The following CCDC178 variants were observed in gnomAD, a reference collection of about 807,000 sequenced individuals.
CCDC178 encodes the protein coiled-coil domain-containing protein 178.
CCDC178 carries 126 observed loss-of-function variants against 117.4 expected under a neutral mutation model. The ratio of observed to expected loss-of-function variants is 1.07; its 90% confidence interval spans 0.93 to 1.24. The LOEUF is 1.24. CCDC178 is among the 50% of genes most tolerant of loss of function. The pLI is 0.00. For missense variants in CCDC178, 1,030 were observed against 986.9 expected (o/e 1.04, Z -0.59); for synonymous variants, 283 against 313.4 (o/e 0.90, Z 1.02).
intron 11 of CCDC178, among the ~76,000 whole-genome samples, chr18:33,300,141 T>C (rs1261017237): frequency 6.6e-6 from 1 of 152,154 alleles, no homozygotes; most frequent in African/African-American, 2.4e-5. Flanking sequence ...TCCCTCTCTC[T>C]TTCGCTCCCA....
At chr18:33,432,201 G>C (rs2064228968) in intron 2 of CCDC178, among the ~76,000 whole-genome samples, 1 of 152,142 alleles carries the variant, frequency 6.6e-6, no homozygotes, top group East Asian at 1.9e-4. Flanking sequence ...GCGGATGCAA[G>C]TAGTAAGATT....
At chr18:33,018,880 T>C (rs529029972) in intron 21 of CCDC178, among the ~76,000 whole-genome samples, 103 of 152,282 alleles carry the variant, frequency 6.8e-4, no homozygotes, top group African/African-American at 2.3e-3. Context: ...GTGAGTTTTA[T>C]GATTTGTGAA....
At chr18:33,101,120 T>A (rs1223048170) in intron 20 of CCDC178, among the ~76,000 whole-genome samples, 1 of 151,848 alleles carries the variant, frequency 6.6e-6, no homozygotes, top group Non-Finnish European at 1.5e-5. Context: ...TTAAAATTTT[T>A]AATCCTGAAT....
intron 20 of CCDC178, among the ~76,000 whole-genome samples, chr18:33,119,161 T>C (rs539595242): frequency 2.0e-5 from 3 of 152,132 alleles, no homozygotes; most frequent in Non-Finnish European, 4.4e-5. Flanking sequence ...CCAAAAGCAA[T>C]GGCAACAAAA....
intron 21 of CCDC178, among the ~76,000 whole-genome samples, chr18:33,032,535 T>G (rs2056363365): frequency 6.6e-6 from 1 of 152,124 alleles, no homozygotes; most frequent in African/African-American, 2.4e-5. Context: ...CTTGTATGTT[T>G]GCATACTTAC....
At chr18:33,167,728 G>A (rs190392687) in intron 20 of CCDC178, among the ~76,000 whole-genome samples, 19 of 152,040 alleles carry the variant, frequency 1.2e-4, no homozygotes, top group East Asian at 5.8e-4. Context: ...ATACCCGGGC[G>A]TGGTGGCATG....
intron 20 of CCDC178, among the ~76,000 whole-genome samples, chr18:33,187,451 G>A (rs1298101174): frequency 6.6e-6 from 1 of 152,010 alleles, no homozygotes; most frequent in Non-Finnish European, 1.5e-5. Context: ...ATCCCCTTCA[G>A]AGAAATACTG....
Position 33,346,354 on chromosome 18 carries a change from C to T in CCDC178, c.515G>A (p.Arg172His), listed in dbSNP as rs143833391. 277 of 1,613,502 alleles carry T rather than the reference C, an allele frequency of 1.7e-4. No homozygotes were observed. The highest frequency in any genetic ancestry group is 2.3e-4 in the Non-Finnish European group (272 of 1,179,702). ...EMETLLSEAI[R>H]LIKSLETDRA... ...GTCAGTTTCTAGACTTTTAATGAGA[C>T]GAATGGCCTCTGAGAGCAATGTTTC... Residue 172 changes from arginine to histidine, a missense_variant, in exon 9 of 23, where the codon CGT becomes CAT. Physicochemically the swap from Arg to His is conservative, Grantham distance 29 (BLOSUM62 0). Transcript: ENST00000383096.
intron 3 of CCDC178, 131 bp downstream of exon 3, chr18:33,411,900 G>A (rs1167221211): frequency 2.1e-6 from 1 of 484,028 alleles, no homozygotes; most frequent in Non-Finnish European, 3.8e-6. Flanking sequence ...ACTGGTCCCA[G>A]TAAGTTTTGG....
intron 9 of CCDC178, among the ~76,000 whole-genome samples, chr18:33,340,527 C>T (rs2062803313): frequency 6.6e-6 from 1 of 152,214 alleles, no homozygotes; most frequent in Non-Finnish European, 1.5e-5. Context: ...CAGACACCTT[C>T]ATGGCAGACC....
intron 22 of CCDC178, chr18:32,958,015 A>T (rs1230589618): frequency 1.3e-5 from 4 of 309,186 alleles, no homozygotes; most frequent in Non-Finnish European, 2.4e-5. Flanking sequence ...TGTCAGCAAC[A>T]TTCATTTTAA....
chr18:33,341,571 G>A (rs1340111983), intron 9 of CCDC178, among the ~76,000 whole-genome samples: 1 of 152,144 alleles, frequency 6.6e-6, no homozygotes, highest in Non-Finnish European at 1.5e-5. Context: ...GGGACCCAAG[G>A]GGAGGTAATT....
At chr18:33,239,316 A>G (rs944292449) in intron 15 of CCDC178, among the ~76,000 whole-genome samples, 1 of 152,034 alleles carries the variant, frequency 6.6e-6, no homozygotes, top group Admixed American at 6.6e-5. Flanking sequence ...ACAACCAGAA[A>G]ACAATCACTA....
chr18:33,184,576 G>A (rs765190281), intron 20 of CCDC178, among the ~76,000 whole-genome samples: 1 of 152,002 alleles, frequency 6.6e-6, no homozygotes, highest in African/African-American at 2.4e-5. Context: ...AACCTAGTAA[G>A]TTTAAAATAG....
chr18:33,290,439 T>C (rs1247181935), intron 12 of CCDC178, among the ~76,000 whole-genome samples: 2 of 152,162 alleles, frequency 1.3e-5, no homozygotes, highest in African/African-American at 4.8e-5. Context: ...GTTCCAAGAA[T>C]ATTGATTAAG....
At chr18:33,250,019 T>A (rs2144708125) in intron 14 of CCDC178, among the ~76,000 whole-genome samples, 1 of 152,100 alleles carries the variant, frequency 6.6e-6, no homozygotes, top group African/African-American at 2.4e-5. Context: ...TATTTTATTC[T>A]CTTTGAAGCA....
intron 10 of CCDC178, among the ~76,000 whole-genome samples, chr18:33,324,128 TCTC>T (rs974959275): frequency 5.3e-5 from 8 of 151,844 alleles, no homozygotes; most frequent in African/African-American, 1.7e-4. Flanking sequence ...ATCATACTAA[TCTC>T]CTCTTTTACT....
chr18:33,008,688 A>C (rs2055799120), intron 21 of CCDC178, among the ~76,000 whole-genome samples: 1 of 152,014 alleles, frequency 6.6e-6, no homozygotes. Flanking sequence ...TTTCTGTGGA[A>C]TCTACTCCAA....
At chr18:32,986,358 T>C (rs2055263346) in intron 21 of CCDC178, among the ~76,000 whole-genome samples, 1 of 152,072 alleles carries the variant, frequency 6.6e-6, no homozygotes, top group South Asian at 2.1e-4. Context: ...TAAGTTTTTG[T>C]TTTCCCCTTG....
Sources: allele counts gnomAD v4.1 joint callset (sites outside exome capture counted in the v4.1 genomes callset), GRCh38; gene constraint gnomAD v4.1.1; transcripts MANE v1.5; gene names NCBI Gene and HGNC (gene_info 2026-07-23, HGNC 2026-07-21).